AK5: variants seen among roughly 807,000 people sequenced by gnomAD.
AK5 encodes adenylate kinase 5, also known as adenylate kinase isoenzyme 5.
A neutral mutation model predicts 69.5 loss-of-function variants in AK5; 27 were observed. The observed-to-expected ratio is 0.39, with a 90% CI of 0.29 to 0.54. The LOEUF (loss-of-function observed/expected upper bound fraction) is 0.54, where lower values mean the gene tolerates loss of function less well. AK5 is among the 20% of genes least tolerant of loss of function. AK5 has a pLI of 0.71. For missense variants in AK5, 531 were observed against 700.4 expected (o/e 0.76, Z 2.73); for synonymous variants, 260 against 244.4 (o/e 1.06, Z -0.60).
intron 6 of AK5, among the ~76,000 whole-genome samples, chr1:77,383,670 C>T (rs1244298772): frequency 6.6e-6 from 1 of 151,882 alleles, no homozygotes; most frequent in Non-Finnish European, 1.5e-5. Context: ...GTTGAAGAAC[C>T]GTCAAAGTTA....
chr1:77,446,183 G>A (rs1236709704), intron 8 of AK5, among the ~76,000 whole-genome samples: 2 of 152,186 alleles, frequency 1.3e-5, no homozygotes, highest in African/African-American at 2.4e-5. Context: ...TTATTGCAGA[G>A]ACTATCCTTT....
At chr1:77,444,147 T>C (rs1441044042) in intron 8 of AK5, among the ~76,000 whole-genome samples, 1 of 144,766 alleles carries the variant, frequency 6.9e-6, no homozygotes, top group Non-Finnish European at 1.5e-5. Flanking sequence ...ACTGCTATTT[T>C]ATTCTCTCTC....
chr1:77,321,339 G>A (rs1660518323), intron 5 of AK5, among the ~76,000 whole-genome samples: 1 of 151,962 alleles, frequency 6.6e-6, no homozygotes, highest in South Asian at 2.1e-4. Context: ...GTGCGGTGGT[G>A]CCGCCTGTAG....
intron 7 of AK5, among the ~76,000 whole-genome samples, chr1:77,416,162 T>G (rs1360984159): frequency 6.6e-6 from 1 of 152,140 alleles, no homozygotes; most frequent in Non-Finnish European, 1.5e-5. Context: ...ACAAAATTAT[T>G]TATTTGAAAA....
At chr1:77,523,397 G>A (rs901064642) in intron 12 of AK5, among the ~76,000 whole-genome samples, 22 of 152,136 alleles carry the variant, frequency 1.4e-4, no homozygotes, top group African/African-American at 4.6e-4. Flanking sequence ...ACACTCACAT[G>A]CCCAAGTTCT....
intron 6 of AK5, among the ~76,000 whole-genome samples, chr1:77,362,369 T>C (rs545500361): frequency 1.2e-4 from 19 of 152,292 alleles, no homozygotes; most frequent in Admixed American, 2.6e-4. Flanking sequence ...TTCAATACTT[T>C]AATACTTTAA....
At position 77,559,932 on chromosome 1, in the gene AK5, T is replaced by G. The variant is rs1401271010; in HGVS notation, c.*1262T>G. 6.6e-6 allele frequency: 1 copy of G among 152,480 alleles called. No homozygotes were observed. 9.4% of individuals were successfully genotyped at this position (152,480 alleles called of 1,614,324 possible). ...TTTAAGTCATTTTTTTTTCTTGAAA[T>G]GGATATGTACAAATAAAATAAATGG... On this transcript the variant is annotated 3_prime_UTR_variant, in exon 14 of 14. Transcript: ENST00000354567.
intron 5 of AK5, among the ~76,000 whole-genome samples, chr1:77,332,783 C>A (rs1661159030): frequency 6.6e-6 from 1 of 151,446 alleles, no homozygotes; most frequent in African/African-American, 2.4e-5. Flanking sequence ...ACTTTATCCT[C>A]AACTGGATGG....
At chr1:77,305,763 A>C (rs1258025130) in intron 5 of AK5, among the ~76,000 whole-genome samples, 1 of 152,144 alleles carries the variant, frequency 6.6e-6, no homozygotes, top group African/African-American at 2.4e-5. Flanking sequence ...TATAATTTGA[A>C]GTCAGGTAAT....
At chr1:77,402,452 C>G (rs1428775712) in intron 6 of AK5, among the ~76,000 whole-genome samples, 37 of 134,062 alleles carry the variant, frequency 2.8e-4, no homozygotes, top group East Asian at 4.5e-4. Flanking sequence ...CCCCTCCCCC[C>G]ACCCCACAAC....
At chr1:77,382,863 C>T (rs74888398) in intron 6 of AK5, among the ~76,000 whole-genome samples, 12,687 of 152,228 alleles carry the variant, frequency 0.083, 697 homozygotes, top group South Asian at 0.17. Flanking sequence ...TCCAGAATCA[C>T]AGTATTCTTG....
Position 77,367,652 on chromosome 1 carries a change from T to C in AK5, c.891+27084T>C, listed in dbSNP as rs865832178. On this transcript the variant is annotated intron_variant, in intron 6 of 13. Coordinates refer to ENST00000354567, the MANE Select transcript of AK5 (RefSeq NM_174858.3). ...TGTAATATATATGTTATGTTATATA[T>C]GTTATATATATGTTATATATAATAT... is the stretch of plus-strand genomic sequence containing the variant. 3.4e-4 allele frequency among the ~76,000 whole-genome samples: 35 copies of C among 103,698 alleles called. 3 individuals are homozygous for C. The South Asian group carries it at 9.5e-3, about 28-fold the overall frequency. 68.0% of individuals were successfully genotyped at this position (103,698 alleles called of 152,430 possible).
intron 8 of AK5, among the ~76,000 whole-genome samples, chr1:77,482,974 C>G (rs1655348625): frequency 8.6e-6 from 1 of 115,760 alleles, no homozygotes; most frequent in Non-Finnish European, 1.6e-5. Flanking sequence ...TTCCTGTCCA[C>G]AGATAGTTTT....
rs1661601227 is a variant in AK5 at position 77,340,549 on chromosome 1, A to G, written c.872A>G (p.Glu291Gly). Residue 291 changes from glutamate to glycine, a missense_variant, in exon 6 of 14, where the codon GAA becomes GGA. By Grantham distance (98) the Glu-to-Gly change is moderately conservative (BLOSUM62 -2). Coordinates refer to ENST00000354567, the MANE Select transcript of AK5 (RefSeq NM_174858.3). ...NAAPLVKYFQ[E>G]KGLIMTFDAD... Reference sequence around the variant, plus strand: ...GCTCCATTGGTTAAATACTTCCAGGAAAAGGGGCTCATCATGACAGTAAGT... The same window carrying G: ...GCTCCATTGGTTAAATACTTCCAGGGAAAGGGGCTCATCATGACAGTAAGT... 3.1e-6 allele frequency: 5 copies of G among 1,613,914 alleles called. No homozygotes were observed. Among genetic ancestry groups the G allele is most frequent in the Non-Finnish European group, 4.2e-6 (5 of 1,179,944 alleles).
chr1:77,516,463 A>T (rs1657650207), intron 10 of AK5, among the ~76,000 whole-genome samples: 1 of 152,196 alleles, frequency 6.6e-6, no homozygotes, highest in Non-Finnish European at 1.5e-5. Flanking sequence ...GAGGTTTATT[A>T]ACTTGATTGT....
chr1:77,374,671 T>C (rs1647191366), intron 6 of AK5, among the ~76,000 whole-genome samples: 1 of 151,886 alleles, frequency 6.6e-6, no homozygotes. Context: ...AATGTAAAAA[T>C]TTAGCCAGAT....
chr1:77,534,464 A>G (rs1214691777), intron 12 of AK5, among the ~76,000 whole-genome samples: 1 of 152,216 alleles, frequency 6.6e-6, no homozygotes, highest in Non-Finnish European at 1.5e-5. Context: ...CGGGGAACCT[A>G]AGCCTCATAG....
chr1:77,552,895 C>G (rs991404901), intron 13 of AK5, among the ~76,000 whole-genome samples: 6 of 152,122 alleles, frequency 3.9e-5, no homozygotes, highest in Admixed American at 6.5e-5. Flanking sequence ...AAAAAATTAG[C>G]TGGGCATGGG....
chr1:77,539,257 T>C (rs1659146461), intron 13 of AK5, among the ~76,000 whole-genome samples: 1 of 152,196 alleles, frequency 6.6e-6, no homozygotes, highest in Non-Finnish European at 1.5e-5. Flanking sequence ...TCCTACAAAT[T>C]TTATTTAATG....
Sources: allele counts gnomAD v4.1 joint callset (sites outside exome capture counted in the v4.1 genomes callset), GRCh38; gene constraint gnomAD v4.1.1; transcripts MANE v1.5; gene names NCBI Gene and HGNC (gene_info 2026-07-23, HGNC 2026-07-21).